The following LRP1B variants were observed in gnomAD, a reference collection of about 807,000 sequenced individuals.
LRP1B encodes LDL receptor related protein 1B, also known as low-density lipoprotein receptor-related protein 1B.
In LRP1B, 217 loss-of-function variants were observed where a neutral mutation model predicts 556.6. The observed-to-expected ratio is 0.39, with a 90% CI of 0.35 to 0.44. The LOEUF is 0.44. Ranked by LOEUF, LRP1B falls within the 20% of genes least tolerant of loss-of-function variation. The pLI is 1.00. For missense variants in LRP1B, 5,053 were observed against 5,620.8 expected, an observed-to-expected ratio of 0.90 and a Z score of 3.23; for synonymous variants, 2,047 against 1,865.8, an observed-to-expected ratio of 1.10 and a Z score of -2.50.
chr2:140,649,340 TC>T (rs1332562832), intron 41 of LRP1B, among the ~76,000 whole-genome samples: 2 of 152,162 alleles, frequency 1.3e-5, no homozygotes, highest in Non-Finnish European at 2.9e-5. Context: ...TTCTCTCTGT[TC>T]TTCATCCCTA....
chr2:140,734,730 A>C (rs1199808452), intron 35 of LRP1B, among the ~76,000 whole-genome samples: 4 of 123,792 alleles, frequency 3.2e-5, no homozygotes, highest in Admixed American at 8.1e-5. Flanking sequence ...GGCTGCTCTC[A>C]GCTAATGACT....
intron 41 of LRP1B, among the ~76,000 whole-genome samples, chr2:140,640,815 G>C (rs1684267654): frequency 6.6e-6 from 1 of 152,040 alleles, no homozygotes; most frequent in South Asian, 2.1e-4. Context: ...GATTTATAAG[G>C]CCCATAAGAG....
At chr2:141,428,452 A>T (rs1680452122) in intron 3 of LRP1B, among the ~76,000 whole-genome samples, 1 of 152,228 alleles carries the variant, frequency 6.6e-6, no homozygotes, top group Non-Finnish European at 1.5e-5. Context: ...AAACTTATTA[A>T]TAGGGGCTCA....
chr2:140,730,800 G>A (rs997142148), intron 35 of LRP1B, among the ~76,000 whole-genome samples: 15 of 152,002 alleles, frequency 9.9e-5, no homozygotes, highest in Admixed American at 9.8e-4. Context: ...CTCGTGATCC[G>A]CCTGCCTCGG....
intron 41 of LRP1B, among the ~76,000 whole-genome samples, chr2:140,627,382 G>T (rs1346994886): frequency 6.6e-6 from 1 of 152,136 alleles, no homozygotes; most frequent in African/African-American, 2.4e-5. Flanking sequence ...TAGATTAGCA[G>T]AGTCTTTTGG....
chr2:141,237,504 C>A (rs1043712831), intron 5 of LRP1B, among the ~76,000 whole-genome samples: 8 of 151,982 alleles, frequency 5.3e-5, no homozygotes, highest in Non-Finnish European at 1.0e-4. Flanking sequence ...CTGTGCCAAA[C>A]CTGTGCTTTT....
At chr2:141,031,922 CCAA>C (rs1221272324) in intron 11 of LRP1B, among the ~76,000 whole-genome samples, 1 of 150,482 alleles carries the variant, frequency 6.6e-6, no homozygotes, top group Non-Finnish European at 1.5e-5. Context: ...ACTAGATGCA[CCAA>C]AAAAAAAACT....
rs558199455 is a variant in LRP1B, at chr2:141,688,386, A to G, written c.205+121893T>C. Among the ~76,000 whole-genome samples the G allele has an allele frequency of 4.6e-5, 7 of 151,976 alleles. No homozygotes were observed. In the South Asian group the frequency reaches 1.0e-3, roughly 22 times the overall value. On this transcript the variant is annotated intron_variant, in intron 2 of 90. Transcript: ENST00000389484. ...GATCCTTACAACAACCCTAAAATCCATGTTCTATTACTATTTATTCATACT... is the reference window on the plus strand; with the variant it reads ...GATCCTTACAACAACCCTAAAATCCGTGTTCTATTACTATTTATTCATACT...
chr2:142,015,111 C>T (rs747026772), intron 1 of LRP1B, among the ~76,000 whole-genome samples: 1 of 151,956 alleles, frequency 6.6e-6, no homozygotes, highest in African/African-American at 2.4e-5. Flanking sequence ...ATAAGTTGAC[C>T]TGAAGTTACT....
At chr2:140,680,880 T>G (rs780913986) in intron 41 of LRP1B, among the ~76,000 whole-genome samples, 1 of 152,242 alleles carries the variant, frequency 6.6e-6, no homozygotes, top group Non-Finnish European at 1.5e-5. Flanking sequence ...TCTTTAAATA[T>G]GATTTACACT....
chr2:141,267,850 G>A (rs1450551049), intron 3 of LRP1B, among the ~76,000 whole-genome samples: 1 of 152,174 alleles, frequency 6.6e-6, no homozygotes, highest in East Asian at 1.9e-4. Context: ...TAATAGGATG[G>A]AGGTAGTAGT....
At chr2:141,328,769 T>A (rs1408729534) in intron 3 of LRP1B, among the ~76,000 whole-genome samples, 2 of 152,176 alleles carry the variant, frequency 1.3e-5, no homozygotes, top group South Asian at 2.1e-4. Flanking sequence ...TACTACATCA[T>A]GAATGCTGGG....
intron 87 of LRP1B, among the ~76,000 whole-genome samples, chr2:140,240,884 T>C (rs1246990398): frequency 1.3e-5 from 2 of 151,040 alleles, no homozygotes; most frequent in African/African-American, 2.4e-5. Context: ...AACTGTATTA[T>C]AAATATATAG....
chr2:141,618,096 T>C lies in LRP1B; in HGVS notation c.206-137563A>G, dbSNP rs113062284. ...ATGTGAGTCAATATTCATGCTCTTA[T>C]GGGCATGTATGTATTTTGAGGTCTG... is the stretch of plus-strand genomic sequence containing the variant. On this transcript the variant is annotated intron_variant, in intron 2 of 90. Transcript: ENST00000389484. 6.0e-4 allele frequency among the ~76,000 whole-genome samples: 92 copies of C among 152,298 alleles called. 1 individual carries two copies. The highest frequency in any genetic ancestry group is 9.9e-4 in the Non-Finnish European group (67 of 68,016).
chr2:141,749,488 G>A (rs556407820), intron 2 of LRP1B, among the ~76,000 whole-genome samples: 1 of 152,178 alleles, frequency 6.6e-6, no homozygotes, highest in East Asian at 1.9e-4. Flanking sequence ...AATAACTATA[G>A]GTCATGTCTG....
chr2:141,025,910 A>G (rs1374419576), intron 11 of LRP1B, among the ~76,000 whole-genome samples: 3 of 152,086 alleles, frequency 2.0e-5, no homozygotes, highest in African/African-American at 7.2e-5. Context: ...ATTTCAGAGG[A>G]CAAAATAGCT....
At chr2:141,989,648 G>A (rs4488601) in intron 1 of LRP1B, among the ~76,000 whole-genome samples, 9,813 of 151,952 alleles carry the variant, frequency 0.065, 1,063 homozygotes, top group African/African-American at 0.22. Flanking sequence ...AATCATGGGC[G>A]TGGTTTCCTC....
At position 141,773,585 on chromosome 2, in the gene LRP1B, A is replaced by G. The variant is rs949001561; in HGVS notation, c.205+36694T>C. Among the ~76,000 whole-genome samples, 5 of 152,256 alleles carry G rather than the reference A, an allele frequency of 3.3e-5. No individual in the cohort carries two copies. The East Asian group carries it at 9.6e-4, about 29-fold the overall frequency. On this transcript the variant is annotated intron_variant, in intron 2 of 90. Transcript: ENST00000389484. ...GCTAGCACAAGCTGGTGTAAACTCAAGACATGGCACCTCTTTTAGAAGGTT... is the reference window on the plus strand; with the variant it reads ...GCTAGCACAAGCTGGTGTAAACTCAGGACATGGCACCTCTTTTAGAAGGTT...
intron 11 of LRP1B, among the ~76,000 whole-genome samples, chr2:141,026,157 A>C (rs1449105036): frequency 6.6e-6 from 1 of 152,112 alleles, no homozygotes; most frequent in Non-Finnish European, 1.5e-5. Context: ...AGAACTGTGA[A>C]GTTTATAATT....
Sources: allele counts gnomAD v4.1 joint callset (sites outside exome capture counted in the v4.1 genomes callset), GRCh38; gene constraint gnomAD v4.1.1; transcripts MANE v1.5; gene names NCBI Gene and HGNC (gene_info 2026-07-23, HGNC 2026-07-21).